MAP2: variants seen among roughly 807,000 people sequenced by gnomAD.
The protein encoded by MAP2 is microtubule-associated protein 2.
A neutral mutation model predicts 137.6 loss-of-function variants in MAP2; 14 were observed. That is an observed-to-expected ratio of 0.10 (90% confidence interval 0.07 to 0.16). MAP2 has a LOEUF of 0.16. MAP2 is among the 10% of genes least tolerant of loss of function. The pLI is 1.00. For synonymous variants in MAP2, 786 were observed against 782.3 expected (o/e 1.00, Z -0.08); for missense variants, 2,088 against 2,191.5 (o/e 0.95, Z 0.94).
chr2:209,710,374 T>C (rs947935290), intron 13 of MAP2, 120 bp downstream of exon 13: 6 of 875,114 alleles, frequency 6.9e-6, no homozygotes, highest in Non-Finnish European at 1.0e-5. Flanking sequence ...GGTTACAATT[T>C]ATTGCTAAGA....
At chr2:209,593,796 A>AT (rs1371670933) in intron 3 of MAP2, among the ~76,000 whole-genome samples, 3 of 130 alleles carry the variant, frequency 0.023, 1 homozygote, top group South Asian at 1. Context: ...ATTATATTAT[A>AT]TATAATATAT....
intron 10 of MAP2, among the ~76,000 whole-genome samples, chr2:209,699,410 T>A (rs569193252): frequency 1.1e-4 from 17 of 152,316 alleles, no homozygotes; most frequent in African/African-American, 3.4e-4. Context: ...ACAAGCTTGA[T>A]TATTTTATCT....
chr2:209,710,975 C>T (rs768017070), intron 13 of MAP2, among the ~76,000 whole-genome samples: 11 of 152,098 alleles, frequency 7.2e-5, no homozygotes, highest in African/African-American at 2.2e-4. Flanking sequence ...TGCTTATACA[C>T]TACATGTTTG....
At chr2:209,426,429 C>T (rs1030527317) in intron 1 of MAP2, among the ~76,000 whole-genome samples, 4 of 151,976 alleles carry the variant, frequency 2.6e-5, no homozygotes, top group Non-Finnish European at 4.4e-5. Flanking sequence ...TCTATACTGC[C>T]ATAGGAGGGC....
intron 3 of MAP2, among the ~76,000 whole-genome samples, chr2:209,586,570 C>A (rs1043436317): frequency 2.0e-5 from 3 of 151,990 alleles, no homozygotes; most frequent in Admixed American, 6.6e-5. Flanking sequence ...AGTGGGCTAA[C>A]AAATAAAATT....
At chr2:209,665,798 T>G (rs2046050027) in intron 5 of MAP2, among the ~76,000 whole-genome samples, 1 of 152,160 alleles carries the variant, frequency 6.6e-6, no homozygotes, top group Non-Finnish European at 1.5e-5. Context: ...TATAATTCCT[T>G]AGTTTCATTT....
intron 1 of MAP2, among the ~76,000 whole-genome samples, chr2:209,434,975 A>C (rs1305182269): frequency 7.1e-6 from 1 of 141,672 alleles, no homozygotes; most frequent in Non-Finnish European, 1.5e-5. Flanking sequence ...ATCAACAAAT[A>C]ATTCAAATAT....
At chr2:209,677,658 C>T (rs2153681917) in intron 5 of MAP2, among the ~76,000 whole-genome samples, 1 of 152,058 alleles carries the variant, frequency 6.6e-6, no homozygotes, top group South Asian at 2.1e-4. Context: ...TTTGTTATTT[C>T]TTCCATTGTT....
intron 1 of MAP2, among the ~76,000 whole-genome samples, chr2:209,477,684 C>T (rs547365369): frequency 3.9e-5 from 6 of 152,046 alleles, no homozygotes; most frequent in Non-Finnish European, 8.8e-5. Flanking sequence ...TGTCTCTCCA[C>T]TCTGACAGTT....
chr2:209,622,725 T>C (rs576943561), intron 3 of MAP2, among the ~76,000 whole-genome samples: 2 of 152,250 alleles, frequency 1.3e-5, no homozygotes, highest in East Asian at 3.9e-4. Flanking sequence ...AATTTAAAAT[T>C]TCGTATGCCT....
intron 3 of MAP2, among the ~76,000 whole-genome samples, chr2:209,615,242 T>C (rs1008932664): frequency 2.0e-5 from 3 of 152,188 alleles, no homozygotes; most frequent in African/African-American, 7.2e-5. Context: ...TCTCTGTATG[T>C]GGCTGCAGGT....
intron 3 of MAP2, among the ~76,000 whole-genome samples, chr2:209,609,138 T>C (rs1361231729): frequency 6.6e-6 from 1 of 152,048 alleles, no homozygotes; most frequent in East Asian, 1.9e-4. Flanking sequence ...GTAGATGAGG[T>C]ATAATTTAAT....
At chr2:209,459,496 G>A (rs939434380) in intron 1 of MAP2, among the ~76,000 whole-genome samples, 1 of 152,086 alleles carries the variant, frequency 6.6e-6, no homozygotes, top group Admixed American at 6.5e-5. Context: ...TAAAGATCCA[G>A]GAAAACAACT....
chr2:209,599,169 G>T (rs1200850956), intron 3 of MAP2, among the ~76,000 whole-genome samples: 3 of 151,606 alleles, frequency 2.0e-5, no homozygotes, highest in East Asian at 1.9e-4. Context: ...ATCTCATTGT[G>T]GTTTTGATTT....
In MAP2 at chr2:209,586,889, T is replaced by C. The variant is rs561454438; in HGVS notation, c.-107+6789T>C. Among the ~76,000 whole-genome samples the C allele has an allele frequency of 2.6e-5, 4 of 152,302 alleles. No homozygotes were observed. The South Asian group carries it at 8.3e-4, about 32-fold the overall frequency. On this transcript the variant is annotated intron_variant, in intron 3 of 15. Transcript: ENST00000682079. ...TGAGCAAGTCTGAAGTGAGCTCTTC[T>C]TATTCAGCAACATAGCATACTTTTA...
In MAP2 at chr2:209,436,015, T is replaced by A. The variant is rs202166608; in HGVS notation, c.-222+11739T>A. 1.3e-3 allele frequency among the ~76,000 whole-genome samples: 113 copies of A among 90,306 alleles called. 2 individuals are homozygous for A. Among genetic ancestry groups the A allele is most frequent in the Non-Finnish European group, 1.8e-3 (92 of 52,408 alleles). The allele number at this position is 90,306 out of a possible 152,430, so 59.2% of individuals were successfully genotyped here. ...TTATATACTATATATACAGTATATA[T>A]TATATATAAAATATATATATATGTA... is the stretch of plus-strand genomic sequence containing the variant. On this transcript the variant is annotated intron_variant, in intron 1 of 15. Coordinates refer to ENST00000682079, the MANE Select transcript of MAP2 (RefSeq NM_001375505.1).
chr2:209,447,512 A>C (rs1223591390), intron 1 of MAP2, among the ~76,000 whole-genome samples: 1 of 152,060 alleles, frequency 6.6e-6, no homozygotes, highest in Non-Finnish European at 1.5e-5. Flanking sequence ...TCTCTCATTC[A>C]TATGGAGAAA....
chr2:209,477,083 G>A (rs1409257786), intron 1 of MAP2, among the ~76,000 whole-genome samples: 1 of 152,152 alleles, frequency 6.6e-6, no homozygotes, highest in Non-Finnish European at 1.5e-5. Flanking sequence ...GTTTGATGAC[G>A]TCTTCCCCAA....
At chr2:209,593,634 A>AAAAAAAAAAATATAT (rs1286103137) in intron 3 of MAP2, among the ~76,000 whole-genome samples, 5 of 33,642 alleles carry the variant, frequency 1.5e-4, no homozygotes, top group Non-Finnish European at 2.5e-4. Flanking sequence ...AAAAAAAAAA[A>AAAAAAAAAAATATAT]ATATATATAT....
Sources: allele counts gnomAD v4.1 joint callset (sites outside exome capture counted in the v4.1 genomes callset), GRCh38; gene constraint gnomAD v4.1.1; transcripts MANE v1.5; gene names NCBI Gene and HGNC (gene_info 2026-07-23, HGNC 2026-07-21).